The following EPSTI1 variants were observed in gnomAD, a reference collection of about 807,000 sequenced individuals.
EPSTI1 encodes the protein epithelial-stromal interaction protein 1.
EPSTI1 carries 66 observed loss-of-function variants against 49.9 expected under a neutral mutation model. The ratio of observed to expected loss-of-function variants is 1.32; its 90% CI spans 1.08 to 1.62. The LOEUF is 1.62. Ranked by LOEUF, EPSTI1 falls within the 40% of genes most tolerant of loss-of-function variation. The pLI, the probability that EPSTI1 is intolerant of heterozygous loss-of-function variation, is 0.00. For missense variants in EPSTI1, 394 were observed against 365.5 expected (o/e 1.08, Z -0.64); for synonymous variants, 137 against 130.7 (o/e 1.05, Z -0.33).
chr13:42,907,920 TAG>T (rs1257558298), intron 8 of EPSTI1, among the ~76,000 whole-genome samples: 2 of 152,144 alleles, frequency 1.3e-5, no homozygotes, highest in Admixed American at 6.5e-5. Flanking sequence ...TGGAACAGAA[TAG>T]AGAGTCCAAA....
At chr13:42,968,983 A>G (rs2039696286) in intron 3 of EPSTI1, 111 bp downstream of exon 3, 1 of 993,418 alleles carries the variant, frequency 1.0e-6, no homozygotes, top group Admixed American at 2.0e-5. Context: ...AAGCAGCACA[A>G]TGACCAAACA....
At chr13:42,948,959 A>G (rs1171692544) in intron 6 of EPSTI1, among the ~76,000 whole-genome samples, 2 of 152,186 alleles carry the variant, frequency 1.3e-5, no homozygotes, top group Admixed American at 1.3e-4. Context: ...ACTAAATTCC[A>G]AATTCTAAAT....
intron 8 of EPSTI1, among the ~76,000 whole-genome samples, chr13:42,902,347 G>A (rs527375349): frequency 6.6e-6 from 1 of 151,988 alleles, no homozygotes; most frequent in African/African-American, 2.4e-5. Context: ...AAGGTACCAG[G>A]TGCCTCTGAT....
chr13:42,903,085 T>C lies in EPSTI1; in HGVS notation c.742-2702A>G, dbSNP rs532759347. Among the ~76,000 whole-genome samples, 7 of 152,318 alleles carry C rather than the reference T, an allele frequency of 4.6e-5. No homozygotes were observed. The East Asian group carries it at 1.3e-3, about 29-fold the overall frequency. On this transcript the variant is annotated intron_variant, in intron 8 of 10. Transcript: ENST00000313624. ...TATTTCTCCAAGGAGCAACTTCTGG[T>C]ATCTGGCCCATTGTGAGTTTAATAC...
chr13:42,944,264 C>T (rs994341517), intron 6 of EPSTI1, among the ~76,000 whole-genome samples: 2 of 152,172 alleles, frequency 1.3e-5, no homozygotes, highest in Non-Finnish European at 2.9e-5. Context: ...GACTTGGAAC[C>T]AACCCAAATG....
At chr13:42,932,644 G>T (rs1390961046) in intron 6 of EPSTI1, among the ~76,000 whole-genome samples, 1 of 151,582 alleles carries the variant, frequency 6.6e-6, no homozygotes, top group African/African-American at 2.4e-5. Context: ...AAAAATGTTG[G>T]CAAGATTAAT....
rs1022589803 is a variant in EPSTI1, at chr13:42,978,381, T to C, written c.189-7711A>G. 1.5e-4 allele frequency among the ~76,000 whole-genome samples: 23 copies of C among 152,212 alleles called. No individual in the cohort carries two copies. In the Middle Eastern group the frequency reaches 0.01, roughly 68 times the overall value. ...GACAACGCATAGCGGGGAGGGGGCT[T>C]CCAGGTCATAATAAATAAGAGACAA... On this transcript the variant is annotated intron_variant, in intron 1 of 10. Transcript: ENST00000313624.
Position 42,886,728 on chromosome 13 carries a change from C to A in EPSTI1, c.*1766G>T, listed in dbSNP as rs1391208862. 1 of 152,108 alleles carries A rather than the reference C, an allele frequency of 6.6e-6. No individual in the cohort carries two copies. The highest frequency in any genetic ancestry group is 1.5e-5 in the Non-Finnish European group (1 of 68,032). The allele number at this position is 152,108 out of a possible 1,614,324, so 9.4% of individuals were successfully genotyped here. A position where few individuals can be genotyped will look rare whatever the true frequency, so the allele number is the denominator to read the frequency against. ...TTGGTTAAGCAAGATGTTTATACCC[C>A]CACACATATTCTAGATAGTTCTGGT... On this transcript the variant is annotated 3_prime_UTR_variant, in exon 11 of 11. Coordinates refer to ENST00000313624, the MANE Select transcript of EPSTI1 (RefSeq NM_033255.5).
intron 9 of EPSTI1, among the ~76,000 whole-genome samples, chr13:42,897,329 T>C (rs552535325): frequency 1.3e-5 from 2 of 152,342 alleles, no homozygotes; most frequent in East Asian, 3.9e-4. Flanking sequence ...CACCTTGTGA[T>C]ATTGTCCTCA....
In EPSTI1 at chr13:42,896,073, G is replaced by A. The variant is rs954326367; in HGVS notation, c.816-965C>T. On this transcript the variant is annotated intron_variant, in intron 9 of 10. Coordinates refer to ENST00000313624, the MANE Select transcript of EPSTI1 (RefSeq NM_033255.5). ...ATAAAGGCTGGGTAGCAAAGTGAAA[G>A]GCTGGAGGGGGTTTCTGGCTGTCTG... 2.0e-5 allele frequency among the ~76,000 whole-genome samples: 3 copies of A among 152,190 alleles called. No homozygotes were observed. In the East Asian group the frequency reaches 5.8e-4, roughly 29 times the overall value.
At position 42,922,145 on chromosome 13, in the gene EPSTI1, G is replaced by A. The variant is rs1212406198; in HGVS notation, c.657+4191C>T. Among the ~76,000 whole-genome samples the A allele has an allele frequency of 6.6e-6, 1 of 152,140 alleles. No homozygotes were observed. The highest frequency in any genetic ancestry group is 1.5e-5 in the Non-Finnish European group (1 of 68,038). On this transcript the variant is annotated intron_variant, in intron 7 of 10. Transcript: ENST00000313624. This position sits in a 1 kb window ranked among gnomAD's most constrained non-coding sequence, Gnocchi z 4.8. ...TTATAAGAATGAGAGGAAGAAATGA[G>A]TTAATAAGGTCTAAAATTGATTAGT...
intron 5 of EPSTI1, 123 bp downstream of exon 5, chr13:42,963,132 G>A (rs953601155): frequency 1.3e-6 from 1 of 771,408 alleles, no homozygotes; most frequent in Non-Finnish European, 2.1e-6. Context: ...AAGAAGAGTG[G>A]GGAATAGAAA....
At chr13:42,948,797 T>G (rs2039002980) in intron 6 of EPSTI1, among the ~76,000 whole-genome samples, 1 of 152,218 alleles carries the variant, frequency 6.6e-6, no homozygotes, top group Non-Finnish European at 1.5e-5. Context: ...TTCTTATTAC[T>G]TTATTTGATT....
chr13:42,979,224 A>C lies in EPSTI1; in HGVS notation c.189-8554T>G, dbSNP rs36084780. 2.6e-5 allele frequency among the ~76,000 whole-genome samples: 4 copies of C among 152,342 alleles called. No homozygotes were observed. The South Asian group carries it at 8.3e-4, about 32-fold the overall frequency. Reference sequence around the variant, plus strand: ...TCCAAAAGAGAAAAGGAAAAAAATAACAATAGGCACAATGAGCTTTAGAAT... The same window carrying C: ...TCCAAAAGAGAAAAGGAAAAAAATACCAATAGGCACAATGAGCTTTAGAAT... On this transcript the variant is annotated intron_variant, in intron 1 of 10. Coordinates refer to ENST00000313624, the MANE Select transcript of EPSTI1 (RefSeq NM_033255.5).
At chr13:42,978,081 A>G (rs1163386986) in intron 1 of EPSTI1, among the ~76,000 whole-genome samples, 1 of 151,694 alleles carries the variant, frequency 6.6e-6, no homozygotes, top group Non-Finnish European at 1.5e-5. Context: ...TGAACCCGGG[A>G]GGCGGAGCTT....
intron 10 of EPSTI1, among the ~76,000 whole-genome samples, chr13:42,890,786 T>C (rs2037014625): frequency 6.6e-6 from 1 of 152,146 alleles, no homozygotes; most frequent in African/African-American, 2.4e-5. Flanking sequence ...CGTAAATAAT[T>C]GTATCATCTG....
intron 10 of EPSTI1, among the ~76,000 whole-genome samples, chr13:42,890,544 C>T (rs1389580674): frequency 1.3e-5 from 2 of 152,132 alleles, no homozygotes; most frequent in African/African-American, 2.4e-5. Flanking sequence ...GTGATCCGCC[C>T]ACCTCGGCCT....
chr13:42,949,591 C>CAAAAAA (rs199737689), intron 6 of EPSTI1, among the ~76,000 whole-genome samples: 7 of 80,152 alleles, frequency 8.7e-5, no homozygotes, highest in East Asian at 2.9e-4. Flanking sequence ...GACTCCATGT[C>CAAAAAA]AAAAAAAAAA....
chr13:42,977,527 T>G (rs1031201319), intron 1 of EPSTI1, among the ~76,000 whole-genome samples: 1 of 152,218 alleles, frequency 6.6e-6, no homozygotes, highest in Non-Finnish European at 1.5e-5. Context: ...TTACTTTCCT[T>G]CTTCCTGGAA....
Sources: allele counts gnomAD v4.1 joint callset (sites outside exome capture counted in the v4.1 genomes callset), GRCh38; gene constraint gnomAD v4.1.1; non-coding constraint Gnocchi (gnomAD v3.1); transcripts MANE v1.5; gene names NCBI Gene and HGNC (gene_info 2026-07-23, HGNC 2026-07-21).